PLCH1: variants seen among roughly 807,000 people sequenced by gnomAD.
PLCH1 encodes the protein 1-phosphatidylinositol 4,5-bisphosphate phosphodiesterase eta-1.
PLCH1 carries 60 observed loss-of-function variants against 126.7 expected under a neutral mutation model. That is an observed-to-expected ratio of 0.47 (90% CI 0.38 to 0.59). PLCH1 has a LOEUF of 0.59. Ranked by LOEUF, PLCH1 falls within the 20% of genes least tolerant of loss-of-function variation. PLCH1 has a pLI of 0.00. For missense variants in PLCH1, 1,723 were observed against 2,040.0 expected, an observed-to-expected ratio of 0.84 and a Z score of 2.99; for synonymous variants, 719 against 734.9, an observed-to-expected ratio of 0.98 and a Z score of 0.35.
intron 2 of PLCH1, among the ~76,000 whole-genome samples, chr3:155,608,639 C>T (rs897012738): frequency 2.6e-5 from 4 of 151,984 alleles, no homozygotes; most frequent in Non-Finnish European, 4.4e-5. Flanking sequence ...GTGAGGCAGC[C>T]GTAATTACTC....
chr3:155,629,679 G>A (rs1453332941), intron 2 of PLCH1, among the ~76,000 whole-genome samples: 1 of 152,008 alleles, frequency 6.6e-6, no homozygotes, highest in East Asian at 1.9e-4. Context: ...CAGCCAATAT[G>A]GTATTTTTAA....
chr3:155,588,559 T>G (rs1445567430), intron 4 of PLCH1, among the ~76,000 whole-genome samples: 1 of 152,194 alleles, frequency 6.6e-6, no homozygotes, highest in Non-Finnish European at 1.5e-5. Flanking sequence ...ATATAATTCT[T>G]TATCGAAGCC....
In PLCH1 at chr3:155,481,604, A is replaced by G; in HGVS notation, c.4422T>C (p.Pro1474=). 1 of 1,614,176 alleles carries G rather than the reference A, an allele frequency of 6.2e-7. No homozygotes were observed. The highest frequency in any genetic ancestry group is 8.5e-7 in the Non-Finnish European group (1 of 1,180,030). Residue 1474 remains proline (P), a synonymous_variant, in exon 23 of 23, where the codon CCT becomes CCC. Transcript: ENST00000460012. This position sits in a 1 kb window ranked among gnomAD's most constrained non-coding sequence, Gnocchi z 4.2. ...TGCAAGGACTAGGCAGTTTCAGAGC[A>G]GGCAAAGGAAGATGTGCCAACTGCT... The part of the protein sequence containing the change: ...VPKQLAHLPL[P]ALKLPSPCKS...
intron 10 of PLCH1, among the ~76,000 whole-genome samples, chr3:155,543,461 T>C (rs2108405510): frequency 6.6e-6 from 1 of 152,254 alleles, no homozygotes; most frequent in Non-Finnish European, 1.5e-5. Flanking sequence ...TGGAAAACAC[T>C]CTGCAGGATA....
At chr3:155,532,856 C>T (rs1722878786) in intron 10 of PLCH1, among the ~76,000 whole-genome samples, 1 of 152,170 alleles carries the variant, frequency 6.6e-6, no homozygotes, top group South Asian at 2.1e-4. Flanking sequence ...GAGTCGGGTA[C>T]TGCTATACAG....
intron 10 of PLCH1, among the ~76,000 whole-genome samples, chr3:155,530,656 C>T (rs187718989): frequency 2.0e-5 from 3 of 152,290 alleles, no homozygotes; most frequent in Admixed American, 6.5e-5. Flanking sequence ...AACCCCTCAA[C>T]GTCATCCATC....
chr3:155,529,736 G>A (rs1722414957), intron 10 of PLCH1, among the ~76,000 whole-genome samples: 1 of 147,892 alleles, frequency 6.8e-6, no homozygotes, highest in Non-Finnish European at 1.5e-5. Context: ...CTGAAGGTTA[G>A]GTGACTGTGG....
At chr3:155,673,589 T>C (rs1172232719) in intron 2 of PLCH1, among the ~76,000 whole-genome samples, 1 of 152,206 alleles carries the variant, frequency 6.6e-6, no homozygotes, top group East Asian at 1.9e-4. Flanking sequence ...GAAGGGTAGA[T>C]ACAGCTCTCA....
chr3:155,586,168 G>T lies in PLCH1; in HGVS notation c.497C>A (p.Ala166Asp), dbSNP rs2108608202. The T allele has an allele frequency of 6.2e-7, 1 of 1,614,080 alleles. No individual in the cohort carries two copies. Among genetic ancestry groups the T allele is most frequent in the South Asian group, 1.1e-5 (1 of 91,078 alleles). Reference sequence around the variant, plus strand: ...CAGCAAGCCGTCACCATTCTTATCAGCTTCCTCAAAGGTCTGCTTCACCCA... The same window carrying T: ...CAGCAAGCCGTCACCATTCTTATCATCTTCCTCAAAGGTCTGCTTCACCCA... ...DQWVKQTFEEADKNGDGLLNI... is the reference protein window; with the variant it reads ...DQWVKQTFEEDDKNGDGLLNI... The change falls in exon 5 of 23, where the codon GCT (alanine) becomes GAT (aspartate). Residue 166 changes from alanine to aspartate, a missense_variant. Transcript: ENST00000460012.
chr3:155,690,776 C>T (rs1745321299), intron 2 of PLCH1, among the ~76,000 whole-genome samples: 1 of 152,186 alleles, frequency 6.6e-6, no homozygotes, highest in Non-Finnish European at 1.5e-5. Context: ...GGACAAATTC[C>T]TCACTCCAGA....
At chr3:155,741,684 C>T (rs868764189) in intron 1 of PLCH1, among the ~76,000 whole-genome samples, 64 of 102,818 alleles carry the variant, frequency 6.2e-4, no homozygotes, top group African/African-American at 2.3e-3. Flanking sequence ...TTTATATCCT[C>T]TTTTTTTTTT....
rs956719856 is a variant in PLCH1, at chr3:155,480,807, C to T, written c.*161G>A. On this transcript the variant is annotated 3_prime_UTR_variant, in exon 23 of 23. Transcript: ENST00000460012. ...TGGGAAATGTCACCAAATCTATATA[C>T]AAACGCATTAACAGGGAGAACACAT... 2.0e-4 allele frequency: 126 copies of T among 628,636 alleles called. No individual in the cohort carries two copies. Among genetic ancestry groups the T allele is most frequent in the Admixed American group, 4.3e-4 (15 of 34,486 alleles). 38.9% of individuals were successfully genotyped at this position (628,636 alleles called of 1,614,324 possible).
Position 155,481,520 on chromosome 3 carries a change from C to T in PLCH1, c.4506G>A (p.Lys1502=), listed in dbSNP as rs768782003. The part of the protein sequence containing the change: ...SEDIACNFES[K]YQCISKSFVT... ...CAAAACTCTTACTAATACACTGGTA[C>T]TTGCTCTCAAAATTGCAGGCAATGT... Residue 1502 remains lysine (K), a synonymous_variant, in exon 23 of 23, where the codon AAG becomes AAA. Transcript: ENST00000460012. The surrounding 1 kb of genome is among the most constrained non-coding windows in gnomAD (Gnocchi z 4.2). 1.9e-6 allele frequency: 3 copies of T among 1,614,168 alleles called. No homozygotes were observed. Among genetic ancestry groups the T allele is most frequent in the Admixed American group, 1.7e-5 (1 of 60,010 alleles).
intron 4 of PLCH1, among the ~76,000 whole-genome samples, chr3:155,586,881 T>C (rs1731449149): frequency 6.6e-6 from 1 of 152,198 alleles, no homozygotes; most frequent in South Asian, 2.1e-4. Flanking sequence ...ACCCTCCTAA[T>C]CCTCATGGAT....
intron 9 of PLCH1, among the ~76,000 whole-genome samples, chr3:155,552,161 GCTA>G (rs1219259447): frequency 6.6e-6 from 1 of 151,994 alleles, no homozygotes; most frequent in Non-Finnish European, 1.5e-5. Context: ...AATTTTAAAG[GCTA>G]CTAACTTCTA....
Position 155,566,231 on chromosome 3 carries a change from ATATATATACATATATATACG to A in PLCH1, c.866-1133_866-1114del, listed in dbSNP as rs1560176268. Among the ~76,000 whole-genome samples the A allele has an allele frequency of 5.6e-5, 7 of 126,120 alleles. 1 individual carries two copies. Among genetic ancestry groups the A allele is most frequent in the Admixed American group, 4.5e-4 (5 of 11,164 alleles). The allele number at this position is 126,120 out of a possible 152,430, so 82.7% of individuals were successfully genotyped here. ...TACACATATATACGTATATATACAC[ATATATATACATATATATACG>A]TATATATACACATATATATACATAT... On this transcript the variant is annotated intron_variant, in intron 7 of 22. Coordinates refer to ENST00000460012, the MANE Select transcript of PLCH1 (RefSeq NM_014996.4).
In PLCH1 at chr3:155,529,330, C is replaced by A. The variant is rs1282986538; in HGVS notation, c.1363-5326G>T. On this transcript the variant is annotated intron_variant, in intron 10 of 22. Coordinates refer to ENST00000460012, the MANE Select transcript of PLCH1 (RefSeq NM_014996.4). The stretch of plus-strand genomic sequence containing the variant: ...CGATTCACATCTGTAAAAGCAGGAA[C>A]CTTGAACCACACAGCTAAAGTTATT... Among the ~76,000 whole-genome samples the A allele has an allele frequency of 3.3e-5, 5 of 152,112 alleles. No homozygotes were observed. The South Asian group carries it at 1.0e-3, about 32-fold the overall frequency.
intron 9 of PLCH1, among the ~76,000 whole-genome samples, chr3:155,553,276 A>G (rs1308089763): frequency 2.0e-5 from 3 of 151,962 alleles, no homozygotes; most frequent in Admixed American, 6.6e-5. Context: ...CACTACATCC[A>G]CCTAATACTT....
chr3:155,526,460 CTCTT>C (rs1487753510), intron 10 of PLCH1, among the ~76,000 whole-genome samples: 8 of 142,830 alleles, frequency 5.6e-5, no homozygotes, highest in East Asian at 2.0e-4. Context: ...TCTCTCTTCT[CTCTT>C]TCTCTCTTCT....
Sources: gnomAD v4.1 joint callset for allele counts (sites outside exome capture counted in the v4.1 genomes callset) on GRCh38, gnomAD v4.1.1 for gene constraint, Gnocchi (gnomAD v3.1) non-coding constraint, MANE v1.5 for transcripts, NCBI Gene and HGNC (gene_info 2026-07-23, HGNC 2026-07-21) for gene names.